RASSF8: variants seen among roughly 807,000 people sequenced by gnomAD.
RASSF8 encodes Ras association domain family member 8, also known as ras association domain-containing protein 8.
A neutral mutation model predicts 48.5 loss-of-function variants in RASSF8; 22 were observed. That is an observed-to-expected ratio of 0.45 (90% CI 0.32 to 0.65). The LOEUF is 0.65. Among genes scored for constraint, RASSF8 ranks in the 30% least tolerant of loss-of-function variants. The pLI is 0.03. For synonymous variants in RASSF8, 127 were observed against 171.5 expected (o/e 0.74, Z 2.03); for missense variants, 418 against 489.2 (o/e 0.85, Z 1.37).
At position 26,072,471 on chromosome 12, in the gene RASSF8, C is replaced by A. The variant is rs1567749; in HGVS notation, c.*3653C>A. 914,896 of 962,450 alleles carry A rather than the reference C, an allele frequency of 0.95. 434,910 individuals are homozygous for A. Among genetic ancestry groups the A allele is most frequent in the East Asian group, 0.99 (8,624 of 8,702 alleles). The allele number at this position is 962,450 out of a possible 1,614,324, so 59.6% of individuals were successfully genotyped here. ...ACCAAATAAATGCAGAAAACTATTT[C>A]GTATACTAATTATATTAAACCAGCA... On this transcript the variant is annotated 3_prime_UTR_variant, in exon 6 of 6. Transcript: ENST00000689635.
chr12:26,027,722 A>G (rs966504482), intron 2 of RASSF8, among the ~76,000 whole-genome samples: 5 of 152,336 alleles, frequency 3.3e-5, no homozygotes, highest in Admixed American at 6.5e-5. Flanking sequence ...TTAAGCACCT[A>G]TTATGTGTTA....
At chr12:25,981,998 G>A (rs1941756368) in intron 1 of RASSF8, among the ~76,000 whole-genome samples, 1 of 152,170 alleles carries the variant, frequency 6.6e-6, no homozygotes, top group Admixed American at 6.5e-5. Flanking sequence ...AATATAACAT[G>A]AATTTTTAAA....
At chr12:26,031,744 G>A (rs928244670) in intron 2 of RASSF8, among the ~76,000 whole-genome samples, 40 of 152,060 alleles carry the variant, frequency 2.6e-4, no homozygotes, top group African/African-American at 8.9e-4. Flanking sequence ...GGGAATGGGA[G>A]AACTTGAGAA....
At chr12:26,011,198 C>T (rs1942514978) in intron 2 of RASSF8, among the ~76,000 whole-genome samples, 2 of 152,148 alleles carry the variant, frequency 1.3e-5, no homozygotes, top group South Asian at 2.1e-4. Flanking sequence ...GGGATGAGGC[C>T]TGCTGCTATT....
intron 2 of RASSF8, among the ~76,000 whole-genome samples, chr12:26,006,818 A>G (rs1358309229): frequency 6.6e-6 from 1 of 152,220 alleles, no homozygotes; most frequent in Admixed American, 6.5e-5. Flanking sequence ...ACGAGGTCAC[A>G]TTCATCTTTC....
At chr12:26,022,935 C>T (rs764884663) in intron 2 of RASSF8, among the ~76,000 whole-genome samples, 7 of 152,110 alleles carry the variant, frequency 4.6e-5, no homozygotes, top group South Asian at 2.1e-4. Context: ...TTAGTAGAGA[C>T]GGGGTTTTTC....
intron 3 of RASSF8, among the ~76,000 whole-genome samples, chr12:26,062,743 T>C (rs867682408): frequency 3.9e-5 from 6 of 152,244 alleles, no homozygotes; most frequent in African/African-American, 1.2e-4. Flanking sequence ...CATCACTATT[T>C]AAAGGAATTC....
chr12:26,074,656 G>A (rs2669562), downstream of RASSF8, among the ~76,000 whole-genome samples: 143,864 of 152,120 alleles, frequency 0.95, 68,052 homozygotes, highest in East Asian at 0.99. Flanking sequence ...TTACAGTCTT[G>A]ATGATAGAGA....
chr12:26,069,967 T>C lies in RASSF8; in HGVS notation c.*1149T>C. Reference sequence around the variant, plus strand: ...GACTTTTACAAGACATTAATCTCCATTTGTACATATGTTATTTTATTTGTA... The same window carrying C: ...GACTTTTACAAGACATTAATCTCCACTTGTACATATGTTATTTTATTTGTA... On this transcript the variant is annotated 3_prime_UTR_variant, in exon 6 of 6. Coordinates refer to ENST00000689635, the MANE Select transcript of RASSF8 (RefSeq NM_001394098.1). 1 of 974,696 alleles carries C rather than the reference T, an allele frequency of 1.0e-6. No individual in the cohort carries two copies. The highest frequency in any genetic ancestry group is 1.2e-6 in the Non-Finnish European group (1 of 820,162). 60.4% of individuals were successfully genotyped at this position (974,696 alleles called of 1,614,324 possible).
intron 5 of RASSF8, chr12:26,079,000 T>C: frequency 3.9e-6 from 6 of 1,530,012 alleles, no homozygotes; most frequent in Non-Finnish European, 5.3e-6. Flanking sequence ...TTAACTCTTT[T>C]TTGTTGTTGT....
intron 3 of RASSF8, among the ~76,000 whole-genome samples, chr12:26,058,548 A>ACACACC (rs2137262830): frequency 7.0e-6 from 1 of 142,410 alleles, no homozygotes; most frequent in African/African-American, 2.4e-5. Context: ...GCACACACAC[A>ACACACC]CACACACACA....
chr12:26,035,469 T>TATTATTATATAATTATATGAAATTATATA (rs1565629636), intron 2 of RASSF8, among the ~76,000 whole-genome samples: 5 of 109,674 alleles, frequency 4.6e-5, no homozygotes, highest in African/African-American at 1.5e-4. Context: ...TATATAATTA[T>TATTATTATATAATTATATGAAATTATATA]ATTATATAAT....
intron 2 of RASSF8, among the ~76,000 whole-genome samples, chr12:26,036,299 C>T (rs899485329): frequency 1.1e-4 from 16 of 151,838 alleles, no homozygotes; most frequent in African/African-American, 1.2e-4. Flanking sequence ...GTTTCTGTTT[C>T]GTTTTGTTTT....
intron 1 of RASSF8, among the ~76,000 whole-genome samples, chr12:25,965,309 A>G (rs1042970470): frequency 2.6e-5 from 4 of 151,996 alleles, no homozygotes; most frequent in East Asian, 1.9e-4. Flanking sequence ...CAATTTTACA[A>G]GATTTGATCT....
intron 1 of RASSF8, among the ~76,000 whole-genome samples, chr12:25,969,068 G>A (rs963162230): frequency 2.6e-5 from 4 of 152,232 alleles, no homozygotes; most frequent in Admixed American, 2.0e-4. Flanking sequence ...TGCGGGTAAG[G>A]CTGGGGGGAG....
chr12:26,018,896 A>G (rs571940163), intron 2 of RASSF8, among the ~76,000 whole-genome samples: 1 of 152,328 alleles, frequency 6.6e-6, no homozygotes, highest in East Asian at 1.9e-4. Context: ...CAAGAGCTGG[A>G]CTAAATTCTG....
intron 2 of RASSF8, among the ~76,000 whole-genome samples, chr12:26,001,670 G>A (rs745752258): frequency 1.1e-4 from 16 of 151,944 alleles, no homozygotes; most frequent in East Asian, 1.9e-4. Flanking sequence ...ACATCCTGTC[G>A]TACTGGAAGG....
chr12:26,005,641 GA>G (rs1381611189), intron 2 of RASSF8, among the ~76,000 whole-genome samples: 2 of 152,086 alleles, frequency 1.3e-5, no homozygotes, highest in Admixed American at 1.3e-4. Flanking sequence ...TATAATACTA[GA>G]ATAGGATGAA....
chr12:26,078,284 T>C (rs1944088421), intron 5 of RASSF8, among the ~76,000 whole-genome samples: 1 of 152,146 alleles, frequency 6.6e-6, no homozygotes, highest in South Asian at 2.1e-4. Flanking sequence ...CAAAGAGGGA[T>C]AGGAAGTGCT....
Sources: allele counts gnomAD v4.1 joint callset (sites outside exome capture counted in the v4.1 genomes callset), GRCh38; gene constraint gnomAD v4.1.1; transcripts MANE v1.5; gene names NCBI Gene and HGNC (gene_info 2026-07-23, HGNC 2026-07-21).